CRLF3: variants seen among roughly 807,000 people sequenced by gnomAD.
CRLF3 encodes the protein cytokine receptor like factor 3, also known as cytokine receptor-like factor 3.
In CRLF3, 33 loss-of-function variants were observed where a neutral mutation model predicts 55.0. The observed-to-expected ratio is 0.60, with a 90% CI of 0.46 to 0.80. CRLF3 has a LOEUF of 0.80. CRLF3 is among the 30% of genes least tolerant of loss of function. CRLF3 has a pLI of 0.00. For synonymous variants in CRLF3, 238 were observed against 196.8 expected (o/e 1.21, Z -1.75); for missense variants, 494 against 538.4 (o/e 0.92, Z 0.82).
Position 30,793,614 on chromosome 17 carries a change from T to G in CRLF3, c.662A>C (p.Asn221Thr). 1 of 1,614,130 alleles carries G rather than the reference T, an allele frequency of 6.2e-7. No individual in the cohort carries two copies. The highest frequency in any genetic ancestry group is 8.5e-7 in the Non-Finnish European group (1 of 1,180,006). Residue 221 changes from asparagine to threonine, a missense_variant, in exon 5 of 8, where the codon AAT (asparagine) becomes ACT (threonine). By Grantham distance (65) the Asn-to-Thr change is moderately conservative. Transcript: ENST00000324238. The stretch of plus-strand genomic sequence containing the variant: ...ACCTACATATACATCCTCAAAATGA[T>G]TTGAAGTACATTTACGAAACTGGAG... ...YRLQFRKCTS[N>T]HFEDVYVGSE...
chr17:30,798,512 G>A (rs1411830315), intron 2 of CRLF3, among the ~76,000 whole-genome samples: 1 of 152,044 alleles, frequency 6.6e-6, no homozygotes. Context: ...CAAGTTTTTT[G>A]AGACCATATG....
In CRLF3 at chr17:30,824,462, T is replaced by C. The variant is rs374456066; in HGVS notation, c.129+61A>G. The C allele has an allele frequency of 7.1e-5, 106 of 1,491,084 alleles. No homozygotes were observed. In the East Asian group the frequency reaches 2.4e-3, roughly 34 times the overall value. The allele number at this position is 1,491,084 out of a possible 1,614,324, so 92.4% of individuals were successfully genotyped here. On this transcript the variant is annotated intron_variant, in intron 1 of 7. Transcript: ENST00000324238. ...CCCACCCCTCAAAGCCCTCCCAGCC[T>C]TCGCCCGGCATCCGCGCCACCCCCG...
At position 30,796,258 on chromosome 17, in the gene CRLF3, C is replaced by A. The variant is rs1356623127; in HGVS notation, c.505G>T (p.Asp169Tyr). The A allele has an allele frequency of 6.2e-7, 1 of 1,613,908 alleles. No individual in the cohort carries two copies. Among genetic ancestry groups the A allele is most frequent in the Non-Finnish European group, 8.5e-7 (1 of 1,179,978 alleles). Residue 169 changes from aspartate (D) to tyrosine (Y), a missense_variant, in exon 4 of 8, where the codon GAC becomes TAC. Coordinates refer to ENST00000324238, the MANE Select transcript of CRLF3 (RefSeq NM_015986.4). ...LDDSILNIVKDHIFKHGTVAS... is the reference protein window; with the variant it reads ...LDDSILNIVKYHIFKHGTVAS... ...ACTGTTCCATGCTTAAAAATGTGGT[C>A]TTTCACTATGTTAAGAATTGAGTCA...
Position 30,796,352 on chromosome 17 carries a change from C to G in CRLF3, c.426-15G>C. On this transcript the variant is annotated splice_polypyrimidine_tract_variant and intron_variant, in intron 3 of 7. Transcript: ENST00000324238. ...CTTCTGGTAAGCTGAGGAAACAAAG[C>G]TCATGTGTTATGAGACCTCTAACTG... 6.2e-7 allele frequency: 1 copy of G among 1,607,464 alleles called. No individual in the cohort carries two copies. The highest frequency in any genetic ancestry group is 1.3e-5 in the African/African-American group (1 of 74,866).
At chr17:30,789,387 C>T (rs1231929833) in intron 6 of CRLF3, among the ~76,000 whole-genome samples, 2 of 152,126 alleles carry the variant, frequency 1.3e-5, no homozygotes, top group African/African-American at 4.8e-5. Flanking sequence ...TCAGACATTA[C>T]CATGTGTCCA....
chr17:30,811,458 A>G (rs115843945), intron 1 of CRLF3, among the ~76,000 whole-genome samples: 3,158 of 151,592 alleles, frequency 0.021, 107 homozygotes, highest in African/African-American at 0.073. Context: ...TGTCTCGAAC[A>G]AACAAACAAA....
intron 1 of CRLF3, among the ~76,000 whole-genome samples, chr17:30,823,647 C>T (rs180844338): frequency 6.6e-6 from 1 of 151,936 alleles, no homozygotes; most frequent in Non-Finnish European, 1.5e-5. Context: ...GATTATCCGT[C>T]CTATCGCCAA....
At chr17:30,810,954 G>A (rs1041645015) in intron 1 of CRLF3, among the ~76,000 whole-genome samples, 2 of 151,914 alleles carry the variant, frequency 1.3e-5, no homozygotes, top group Non-Finnish European at 2.9e-5. Flanking sequence ...GCTGTGTGTG[G>A]TGGCATGGCT....
chr17:30,784,182 A>C lies in CRLF3; in HGVS notation c.*5T>G. The stretch of plus-strand genomic sequence containing the variant: ...CCTGAAAACCAAAGCCAAGCACCCA[A>C]ACATCTAAAACACTAACACTTTCCA... On this transcript the variant is annotated 3_prime_UTR_variant, in exon 8 of 8. Transcript: ENST00000324238. 1 of 1,610,338 alleles carries C rather than the reference A, an allele frequency of 6.2e-7. No homozygotes were observed.
intron 1 of CRLF3, among the ~76,000 whole-genome samples, chr17:30,823,460 A>G (rs1302768110): frequency 6.6e-6 from 1 of 151,692 alleles, no homozygotes; most frequent in Non-Finnish European, 1.5e-5. Flanking sequence ...GTTAATGATG[A>G]GAATATCCAA....
In CRLF3 at chr17:30,817,024, C is replaced by T. The variant is rs537299844; in HGVS notation, c.129+7499G>A. Among the ~76,000 whole-genome samples the T allele has an allele frequency of 9.2e-5, 14 of 152,146 alleles. No individual in the cohort carries two copies. In the East Asian group the frequency reaches 1.7e-3, roughly 19 times the overall value. On this transcript the variant is annotated intron_variant, in intron 1 of 7. Transcript: ENST00000324238. ...TATATGTGTGGCTTTTATTTTTACC[C>T]CCCTTATTTGCAATTAGTTTTGCTT...
chr17:30,792,733 C>T lies in CRLF3; in HGVS notation c.827-161G>A, dbSNP rs577766041. 26 of 516,694 alleles carry T rather than the reference C, an allele frequency of 5.0e-5. No homozygotes were observed. The African/African-American group carries it at 5.9e-4, about 12-fold the overall frequency. The allele number at this position is 516,694 out of a possible 1,614,324, so 32.0% of individuals were successfully genotyped here. A position where few individuals can be genotyped will look rare whatever the true frequency, so the allele number is the denominator to read the frequency against. ...CATTAACAGGGTATCATGATCAGTC[C>T]CACAAATTACAAAAGATTTTAGTAT... On this transcript the variant is annotated intron_variant, in intron 5 of 7. Transcript: ENST00000324238.
intron 1 of CRLF3, among the ~76,000 whole-genome samples, chr17:30,821,900 C>A (rs145880059): frequency 6.6e-6 from 1 of 151,770 alleles, no homozygotes; most frequent in East Asian, 1.9e-4. Flanking sequence ...ATGACTTTTA[C>A]GGTGTGTGAA....
chr17:30,787,862 G>A (rs1024115515), intron 6 of CRLF3, among the ~76,000 whole-genome samples: 6 of 152,100 alleles, frequency 3.9e-5, no homozygotes, highest in African/African-American at 1.4e-4. Flanking sequence ...TTAGCTGGGT[G>A]TGGTAGTGGC....
At chr17:30,801,995 CT>C (rs1972012846) in intron 2 of CRLF3, among the ~76,000 whole-genome samples, 1 of 151,976 alleles carries the variant, frequency 6.6e-6, no homozygotes, top group African/African-American at 2.4e-5. Context: ...CTACAGAAAG[CT>C]ATCCCACACT....
chr17:30,818,477 C>T (rs1904879720), intron 1 of CRLF3, among the ~76,000 whole-genome samples: 1 of 136,228 alleles, frequency 7.3e-6, no homozygotes, highest in Non-Finnish European at 1.6e-5. Context: ...TTTTTTGAGA[C>T]AGTTTCACTC....
intron 1 of CRLF3, among the ~76,000 whole-genome samples, chr17:30,824,083 T>A (rs1567671021): frequency 6.6e-6 from 1 of 152,040 alleles, no homozygotes; most frequent in Non-Finnish European, 1.5e-5. Context: ...ATATCCATTT[T>A]GTCTCCACTT....
intron 1 of CRLF3, among the ~76,000 whole-genome samples, chr17:30,822,987 A>C (rs1300946918): frequency 6.6e-6 from 1 of 152,158 alleles, no homozygotes; most frequent in African/African-American, 2.4e-5. Context: ...AAATCAGCAT[A>C]ATCATATCTA....
intron 1 of CRLF3, among the ~76,000 whole-genome samples, chr17:30,820,820 T>A: frequency 1.1e-5 from 1 of 94,948 alleles, no homozygotes; most frequent in African/African-American, 5.0e-5. Context: ...AGCGAGACTC[T>A]CTCAAAAAAA....
Sources: gnomAD v4.1 joint callset for allele counts (sites outside exome capture counted in the v4.1 genomes callset) on GRCh38, gnomAD v4.1.1 for gene constraint, MANE v1.5 for transcripts, NCBI Gene and HGNC (gene_info 2026-07-23, HGNC 2026-07-21) for gene names.